Variants in PRAG1 observed in about 807,000 individuals in gnomAD.
PRAG1 encodes the protein inactive tyrosine-protein kinase PRAG1.
PRAG1 carries 110 observed loss-of-function variants against 95.6 expected under a neutral mutation model. The observed-to-expected ratio is 1.15, with a 90% CI of 0.99 to 1.35. The LOEUF is 1.35. Ranked by LOEUF, PRAG1 falls within the 40% of genes most tolerant of loss-of-function variation. The probability of loss-of-function intolerance (pLI) is 0.00; values close to 1 mark genes in which losing one functional copy is unlikely to be tolerated. For synonymous variants in PRAG1, 1,052 were observed against 819.4 expected (o/e 1.28, Z -4.85); for missense variants, 2,554 against 1,864.7 (o/e 1.37, Z -6.81).
intron 3 of PRAG1, among the ~76,000 whole-genome samples, chr8:8,369,660 C>A (rs7841735): frequency 0.32 from 48,072 of 151,610 alleles, 8,150 homozygotes; most frequent in East Asian, 0.62. Context: ...ATGCACTTTA[C>A]CTTCAAAGTG....
Position 8,376,714 on chromosome 8 carries a change from G to A in PRAG1, c.1695C>T (p.Pro565=), listed in dbSNP as rs1450787028. The change falls in exon 3 of 6, where the codon CCC becomes CCT. Residue 565 remains proline (P), a synonymous_variant. Transcript: ENST00000615670. ...TAAGGTCAGCCAGCGGTGACACTGG[G>A]GGCCCTCCAGCAGACGGTGACACCG... is the stretch of plus-strand genomic sequence containing the variant. The part of the protein sequence containing the change: ...GSPVSPSAGG[P]PVSPLADLSD... 3 of 1,610,600 alleles carry A rather than the reference G, an allele frequency of 1.9e-6. No individual in the cohort carries two copies. Among genetic ancestry groups the A allele is most frequent in the Non-Finnish European group, 2.5e-6 (3 of 1,179,958 alleles).
rs771088337 is a variant in PRAG1, at chr8:8,318,573, G to A, written c.3802C>T (p.Pro1268Ser). The change falls in exon 6 of 6, where the codon CCC becomes TCC. Residue 1268 changes from proline (P) to serine (S), a missense_variant. Pro to Ser is a moderately conservative substitution (Grantham distance 74). Transcript: ENST00000615670. This position sits in a 1 kb window ranked among gnomAD's most constrained non-coding sequence, Gnocchi z 4.2. ...TGGGCGCGCACCTCGAACGGGTTGG[G>A]TTGGTGCAGCAGCTCGTAGATGAGG... ...GILIYELLHQ[P>S]NPFEVRAQLR... 7.4e-6 allele frequency: 12 copies of A among 1,613,700 alleles called. No individual in the cohort carries two copies. The highest frequency in any genetic ancestry group is 3.3e-4 in the Middle Eastern group (2 of 6,062).
chr8:8,324,914 C>T (rs910952976), intron 5 of PRAG1, among the ~76,000 whole-genome samples: 2 of 152,122 alleles, frequency 1.3e-5, no homozygotes, highest in South Asian at 2.1e-4. Context: ...CAAGAACCAG[C>T]TTTATCTCCT....
Position 8,377,223 on chromosome 8 carries a change from C to T in PRAG1, c.1186G>A (p.Glu396Lys). The change falls in exon 3 of 6, where the codon GAG becomes AAG. Residue 396 changes from glutamate (E) to lysine (K), a missense_variant. Coordinates refer to ENST00000615670, the MANE Select transcript of PRAG1 (RefSeq NM_001080826.3). The part of the protein sequence containing the change: ...TPSRCLGLTG[E>K]PQPPAHPREA... Reference sequence around the variant, plus strand: ...CGGGGGTGGGCCGGGGGCTGGGGCTCCCCCGTCAGCCCAAGGCATCTGCTA... The same window carrying T: ...CGGGGGTGGGCCGGGGGCTGGGGCTTCCCCGTCAGCCCAAGGCATCTGCTA... The T allele has an allele frequency of 6.2e-7, 1 of 1,612,118 alleles. No individual in the cohort carries two copies. The highest frequency in any genetic ancestry group is 1.3e-5 in the African/African-American group (1 of 75,034).
intron 3 of PRAG1, among the ~76,000 whole-genome samples, chr8:8,347,590 T>C (rs1195514797): frequency 6.6e-6 from 1 of 152,164 alleles, no homozygotes; most frequent in African/African-American, 2.4e-5. Flanking sequence ...GAACACTCTG[T>C]TTTTAACTTA....
chr8:8,348,323 A>T (rs185033471), intron 3 of PRAG1, among the ~76,000 whole-genome samples: 1 of 152,280 alleles, frequency 6.6e-6, no homozygotes, highest in African/African-American at 2.4e-5. Flanking sequence ...TCCCATAAGG[A>T]TTCTCTCTAG....
At chr8:8,381,869 T>G (rs1448059798) in intron 1 of PRAG1, 35 bp from the exon 2 acceptor site, 2 of 732,028 alleles carry the variant, frequency 2.7e-6, no homozygotes, top group Admixed American at 6.0e-5. Flanking sequence ...ATTAGAGATT[T>G]GCCATGCCAG....
chr8:8,378,021 C>G lies in PRAG1; in HGVS notation c.388G>C (p.Val130Leu). The G allele has an allele frequency of 1.3e-6, 2 of 1,579,164 alleles. No homozygotes were observed. Among genetic ancestry groups the G allele is most frequent in the Non-Finnish European group, 8.6e-7 (1 of 1,161,240 alleles). The change falls in exon 3 of 6, where the codon GTC becomes CTC. Residue 130 changes from valine (V) to leucine (L), a missense_variant. Physicochemically the swap from Val to Leu is conservative, Grantham distance 32. Transcript: ENST00000615670. Reference sequence around the variant, plus strand: ...CCTCGGAAGCTGCCCAGGTAGACGACGGGGGCATCCTCCTGCTTCGGGAGG... The same window carrying G: ...CCTCGGAAGCTGCCCAGGTAGACGAGGGGGGCATCCTCCTGCTTCGGGAGG... ...LPLPKQEDAP[V>L]VYLGSFRGVQ... is the part of the protein sequence containing the mutation.
In PRAG1 at chr8:8,376,355, C is replaced by T; in HGVS notation, c.2054G>A (p.Ser685Asn). The T allele has an allele frequency of 6.2e-7, 1 of 1,614,236 alleles. No individual in the cohort carries two copies. The highest frequency in any genetic ancestry group is 8.5e-7 in the Non-Finnish European group (1 of 1,180,044). Residue 685 changes from serine to asparagine, a missense_variant, in exon 3 of 6, where the codon AGC becomes AAC. Coordinates refer to ENST00000615670, the MANE Select transcript of PRAG1 (RefSeq NM_001080826.3). Reference sequence around the variant, plus strand: ...TTTGCTCATCCCGGTCCCAACTTTGCTGTTCTGCCCAGAGGAGCCATCTGT... The same window carrying T: ...TTTGCTCATCCCGGTCCCAACTTTGTTGTTCTGCCCAGAGGAGCCATCTGT... Reference protein sequence around the residue: ...HPTDGSSGQNSKVGTGMSKSA... With the variant: ...HPTDGSSGQNNKVGTGMSKSA...
At chr8:8,350,657 A>G (rs149428738) in intron 3 of PRAG1, among the ~76,000 whole-genome samples, 1,812 of 152,262 alleles carry the variant, frequency 0.012, 28 homozygotes, top group African/African-American at 0.041. Context: ...AGGATGGCCA[A>G]TGATGTGGTG....
chr8:8,369,716 T>C (rs945508340), intron 3 of PRAG1, among the ~76,000 whole-genome samples: 7 of 138,970 alleles, frequency 5.0e-5, no homozygotes, highest in Non-Finnish European at 3.1e-5. Flanking sequence ...TTTTTTTTTT[T>C]ACAAGCTTGT....
chr8:8,373,984 AT>A (rs1800298021), intron 3 of PRAG1, among the ~76,000 whole-genome samples: 1 of 152,146 alleles, frequency 6.6e-6, no homozygotes, highest in Non-Finnish European at 1.5e-5. Context: ...AAAGGAGTAA[AT>A]TTTAGTTACT....
intron 5 of PRAG1, among the ~76,000 whole-genome samples, chr8:8,327,366 T>C (rs1259718409): frequency 6.6e-6 from 1 of 151,870 alleles, no homozygotes; most frequent in Non-Finnish European, 1.5e-5. Context: ...GGTCAGGAGT[T>C]CAAGACCAGC....
chr8:8,372,099 A>C (rs1426253604), intron 3 of PRAG1, among the ~76,000 whole-genome samples: 1 of 152,172 alleles, frequency 6.6e-6, no homozygotes, highest in Non-Finnish European at 1.5e-5. Flanking sequence ...CAGCTGACCT[A>C]GTCACCCAAA....
chr8:8,320,806 T>C (rs1431325923), intron 5 of PRAG1, among the ~76,000 whole-genome samples: 3 of 152,234 alleles, frequency 2.0e-5, no homozygotes, highest in African/African-American at 2.4e-5. Context: ...GAAGTTCTAC[T>C]GCAAGCACCT....
intron 3 of PRAG1, among the ~76,000 whole-genome samples, chr8:8,355,929 T>C (rs1799667071): frequency 6.6e-6 from 1 of 152,126 alleles, no homozygotes. Context: ...TAAATGGAAC[T>C]ACATCAAACA....
At position 8,318,697 on chromosome 8, in the gene PRAG1, G is replaced by A. The variant is rs1350195394; in HGVS notation, c.3678C>T (p.Gly1226=). ...NFLKAKQKPG[G]TPNLQQKKSQ... Reference sequence around the variant, plus strand: ...TCTTCTTCTGCTGCAGGTTTGGGGTGCCGCCCGGCTTCTGCTTGGCCTTCA... The same window carrying A: ...TCTTCTTCTGCTGCAGGTTTGGGGTACCGCCCGGCTTCTGCTTGGCCTTCA... The change falls in exon 6 of 6, where the codon GGC becomes GGT. Residue 1226 remains glycine (G), a synonymous_variant. Transcript: ENST00000615670. The surrounding 1 kb of genome is among the most constrained non-coding windows in gnomAD (Gnocchi z 4.2). 6 of 1,610,986 alleles carry A rather than the reference G, an allele frequency of 3.7e-6. No homozygotes were observed. In the South Asian group the frequency reaches 6.6e-5, roughly 18 times the overall value.
At position 8,327,823 on chromosome 8, in the gene PRAG1, T is replaced by C. The variant is rs1197484284; in HGVS notation, c.2959A>G (p.Asn987Asp). ...GQKKELHFNE[N>D]NWSLFKLTCN... ...GTCAGCTTGAAGAGCGACCAGTTAT[T>C]CTCATTGAAGTGGAGCTCCTTTTTC... Residue 987 changes from asparagine (N) to aspartate (D), a missense_variant, in exon 5 of 6, where the codon AAT becomes GAT. Asn to Asp is a conservative substitution (Grantham distance 23). Transcript: ENST00000615670. 6.2e-7 allele frequency: 1 copy of C among 1,614,004 alleles called. No homozygotes were observed. Among genetic ancestry groups the C allele is most frequent in the African/African-American group, 1.3e-5 (1 of 74,910 alleles).
rs763816967 is a variant in PRAG1, at chr8:8,328,869, AT to A, written c.2321-409del. On this transcript the variant is annotated intron_variant, in intron 4 of 5. Coordinates refer to ENST00000615670, the MANE Select transcript of PRAG1 (RefSeq NM_001080826.3). ...TGCTTTTCTTTCACATCTTGGAGAG[AT>A]TTTTAAATCAAATATGCAGATCTAT... is the stretch of plus-strand genomic sequence containing the variant. 5.3e-5 allele frequency among the ~76,000 whole-genome samples: 8 copies of A among 152,326 alleles called. No individual in the cohort carries two copies. In the East Asian group the frequency reaches 1.5e-3, roughly 29 times the overall value.
Sources: gnomAD v4.1 joint callset for allele counts (sites outside exome capture counted in the v4.1 genomes callset) on GRCh38, gnomAD v4.1.1 for gene constraint, Gnocchi (gnomAD v3.1) non-coding constraint, MANE v1.5 for transcripts, NCBI Gene and HGNC (gene_info 2026-07-23, HGNC 2026-07-21) for gene names.